The following ANO6 variants were observed in gnomAD, a reference collection of about 807,000 sequenced individuals.
ANO6 encodes the protein anoctamin 6, also known as anoctamin-6.
Under a neutral mutation model 117.5 loss-of-function variants are expected in ANO6, and 106 were observed. The observed-to-expected ratio is 0.90, with a 90% CI of 0.77 to 1.06. ANO6 has a LOEUF of 1.06. Ranked by LOEUF, ANO6 falls within the 50% of genes least tolerant of loss-of-function variation. The pLI is 0.00. For missense variants in ANO6, 955 were observed against 1,121.1 expected (o/e 0.85, Z 2.12); for synonymous variants, 367 against 385.1 (o/e 0.95, Z 0.55).
intron 19 of ANO6, among the ~76,000 whole-genome samples, chr12:45,428,309 G>A (rs192461518): frequency 2.0e-5 from 3 of 152,314 alleles, no homozygotes; most frequent in African/African-American, 4.8e-5. Flanking sequence ...ACAATCTTAG[G>A]AAATAGTTTT....
At chr12:45,263,641 A>G (rs1354103404) in intron 1 of ANO6, among the ~76,000 whole-genome samples, 1 of 152,076 alleles carries the variant, frequency 6.6e-6, no homozygotes, top group African/African-American at 2.4e-5. Context: ...TGTGTGTACA[A>G]CTTGCCTCTG....
At chr12:45,260,931 G>A (rs1178296388) in intron 1 of ANO6, among the ~76,000 whole-genome samples, 1 of 152,006 alleles carries the variant, frequency 6.6e-6, no homozygotes, top group Admixed American at 6.6e-5. Flanking sequence ...AGGACTGCAA[G>A]CATGTGCCAC....
chr12:45,349,964 C>T (rs1430451029), intron 6 of ANO6, among the ~76,000 whole-genome samples: 6 of 152,122 alleles, frequency 3.9e-5, no homozygotes, highest in African/African-American at 1.4e-4. Flanking sequence ...TGCAGTGGTC[C>T]TGTATTCAGG....
downstream of ANO6, among the ~76,000 whole-genome samples, chr12:45,435,524 T>G (rs1483982285): frequency 6.6e-6 from 1 of 152,176 alleles, no homozygotes; most frequent in East Asian, 1.9e-4. Flanking sequence ...CTGAGGCAAA[T>G]GTACTCCCCT....
At chr12:45,271,998 G>A (rs550391102) in intron 1 of ANO6, among the ~76,000 whole-genome samples, 12 of 152,230 alleles carry the variant, frequency 7.9e-5, no homozygotes, top group African/African-American at 2.9e-4. Flanking sequence ...TGGCAGTGTG[G>A]AAGTAAAGTC....
At chr12:45,416,415 T>G (rs1156451096) in intron 16 of ANO6, among the ~76,000 whole-genome samples, 3 of 152,222 alleles carry the variant, frequency 2.0e-5, no homozygotes, top group Non-Finnish European at 2.9e-5. Context: ...GTCTCAAGTT[T>G]ATTACCAGCG....
intron 1 of ANO6, among the ~76,000 whole-genome samples, chr12:45,227,936 G>A (rs1335070497): frequency 6.6e-6 from 1 of 152,074 alleles, no homozygotes; most frequent in Admixed American, 6.6e-5. Context: ...CAGATCTTTG[G>A]GCAGACTGAC....
intron 2 of ANO6, among the ~76,000 whole-genome samples, chr12:45,305,435 A>G (rs1224751893): frequency 6.6e-6 from 1 of 152,172 alleles, no homozygotes; most frequent in Non-Finnish European, 1.5e-5. Context: ...CTCTGACATT[A>G]TTTGTTGAAT....
intron 1 of ANO6, chr12:45,228,342 G>A (rs1210231875): frequency 5.0e-6 from 1 of 200,504 alleles, no homozygotes; most frequent in African/African-American, 4.2e-5. Flanking sequence ...GTCTCACTAT[G>A]TTGCCCAGCT....
intron 3 of ANO6, among the ~76,000 whole-genome samples, chr12:45,335,993 C>T (rs1001231394): frequency 4.0e-5 from 6 of 151,892 alleles, no homozygotes; most frequent in Non-Finnish European, 8.8e-5. Flanking sequence ...TTTTTCTTGT[C>T]TGAGTGCAAT....
intron 16 of ANO6, among the ~76,000 whole-genome samples, chr12:45,413,525 G>A (rs1201673345): frequency 6.6e-6 from 1 of 152,194 alleles, no homozygotes; most frequent in Non-Finnish European, 1.5e-5. Flanking sequence ...AGGCCACGAG[G>A]GTGAATCAGG....
intron 1 of ANO6, among the ~76,000 whole-genome samples, chr12:45,233,954 A>G (rs779232616): frequency 1.3e-5 from 2 of 152,232 alleles, no homozygotes; most frequent in Non-Finnish European, 2.9e-5. Flanking sequence ...AATCTAGTGT[A>G]TTGGAACTAT....
chr12:45,421,788 C>T (rs1943372624), intron 18 of ANO6, among the ~76,000 whole-genome samples: 2 of 152,196 alleles, frequency 1.3e-5, no homozygotes, highest in Admixed American at 1.3e-4. Context: ...ACAGTATTAT[C>T]TAAAAATATT....
At chr12:45,326,107 C>A (rs565103503) in intron 2 of ANO6, among the ~76,000 whole-genome samples, 1 of 152,248 alleles carries the variant, frequency 6.6e-6, no homozygotes, top group South Asian at 2.1e-4. Context: ...GCGCCTTCAT[C>A]CTTACCAGGG....
At chr12:45,299,023 G>A (rs992068792) in intron 1 of ANO6, among the ~76,000 whole-genome samples, 1 of 150,950 alleles carries the variant, frequency 6.6e-6, no homozygotes, top group Non-Finnish European at 1.5e-5. Context: ...ATGTTTCCTT[G>A]TTTGCTGGTT....
In ANO6 at chr12:45,331,436, G is replaced by A. The variant is rs776079108; in HGVS notation, c.279+13G>A. 29 of 1,592,376 alleles carry A rather than the reference G, an allele frequency of 1.8e-5. No homozygotes were observed. Among genetic ancestry groups the A allele is most frequent in the Non-Finnish European group, 2.2e-5 (26 of 1,167,948 alleles). ...TGAAAAACAAAGGGTAAGTTTTTAT[G>A]CTATTTTCCTTTCTTTTTATTTCTT... On this transcript the variant is annotated intron_variant, in intron 3 of 19. Transcript: ENST00000320560.
intron 16 of ANO6, among the ~76,000 whole-genome samples, chr12:45,416,249 C>T (rs1943209091): frequency 6.6e-6 from 1 of 152,182 alleles, no homozygotes. Context: ...TTCTAACGTT[C>T]TCTAAGTATA....
chr12:45,295,548 A>T (rs1353853252), intron 1 of ANO6, among the ~76,000 whole-genome samples: 1 of 151,708 alleles, frequency 6.6e-6, no homozygotes. Context: ...TCTCTTTTTT[A>T]TTTGTTTATT....
At chr12:45,387,761 TC>T (rs1430972405) in intron 10 of ANO6, among the ~76,000 whole-genome samples, 1 of 152,170 alleles carries the variant, frequency 6.6e-6, no homozygotes, top group Non-Finnish European at 1.5e-5. Context: ...CGAATTATAA[TC>T]CCCATGTGTC....
Sources: gnomAD v4.1 joint callset for allele counts (sites outside exome capture counted in the v4.1 genomes callset) on GRCh38, gnomAD v4.1.1 for gene constraint, MANE v1.5 for transcripts, NCBI Gene and HGNC (gene_info 2026-07-23, HGNC 2026-07-21) for gene names.